The following RASL12 variants were observed in gnomAD, a reference collection of about 807,000 sequenced individuals.
The protein encoded by RASL12 is ras-like protein family member 12.
RASL12 carries 16 observed loss-of-function variants against 22.9 expected under a neutral mutation model. The observed-to-expected ratio is 0.70, with a 90% CI of 0.47 to 1.06. RASL12 has a LOEUF of 1.06. RASL12 is among the 50% of genes least tolerant of loss of function. The pLI is 0.00. For missense variants in RASL12, 306 were observed against 353.1 expected (o/e 0.87, Z 1.07); for synonymous variants, 159 against 152.2 (o/e 1.04, Z -0.33).
At chr15:65,064,175 T>C (rs2086848454) in intron 2 of RASL12, among the ~76,000 whole-genome samples, 1 of 152,246 alleles carries the variant, frequency 6.6e-6, no homozygotes, top group South Asian at 2.1e-4. Context: ...AGCTATTGTG[T>C]ATGGGAATCC....
At chr15:65,057,508 A>G (rs573894616) in intron 4 of RASL12, among the ~76,000 whole-genome samples, 1 of 152,322 alleles carries the variant, frequency 6.6e-6, no homozygotes, top group East Asian at 1.9e-4. Flanking sequence ...ACCTCAAAGC[A>G]TTCCAATTCT....
intron 2 of RASL12, among the ~76,000 whole-genome samples, chr15:65,060,168 C>T (rs1336883550): frequency 2.0e-5 from 3 of 152,214 alleles, no homozygotes; most frequent in Admixed American, 2.0e-4. Context: ...ATTTAACGGT[C>T]CCATCTCCCA....
chr15:65,062,058 G>C (rs2086814565), intron 2 of RASL12, among the ~76,000 whole-genome samples: 1 of 147,420 alleles, frequency 6.8e-6, no homozygotes, highest in Admixed American at 6.7e-5. Flanking sequence ...TCCAGCCTGG[G>C]TGACCAAAAA....
chr15:65,076,207 G>A (rs977697516), intron 1 of RASL12, among the ~76,000 whole-genome samples: 3 of 152,196 alleles, frequency 2.0e-5, no homozygotes, highest in African/African-American at 7.2e-5. Context: ...TCCACACTGT[G>A]GACGCTTTAT....
Position 65,055,147 on chromosome 15 carries a change from G to C in RASL12, c.553C>G (p.Arg185Gly), listed in dbSNP as rs148588039. Residue 185 changes from arginine to glycine, a missense_variant, in exon 5 of 5, where the codon CGG (arginine) becomes GGG (glycine). Transcript: ENST00000220062. ...VFHEAVREAR[R>G]ELEKSPLTRP... Reference sequence around the variant, plus strand: ...GTCAGGGGGCTCTTCTCCAGCTCCCGCCGTGCCTCTCGCACTGCCTCGTGG... The same window carrying C: ...GTCAGGGGGCTCTTCTCCAGCTCCCCCCGTGCCTCTCGCACTGCCTCGTGG... The C allele has an allele frequency of 1.0e-4, 162 of 1,611,926 alleles. 2 individuals are homozygous for C. The African/African-American group carries it at 1.9e-3, about 18-fold the overall frequency.
the RASL12 span, among the ~76,000 whole-genome samples, chr15:65,045,827 A>G: frequency 3.9e-5 from 6 of 152,264 alleles, no homozygotes; most frequent in Non-Finnish European, 7.3e-5. Context: ...GCAAATGACA[A>G]TATGATGCTC....
At chr15:65,049,322 T>C (rs1355492321), downstream of RASL12, 1 of 149,384 alleles carries the variant, frequency 6.7e-6, no homozygotes, top group Non-Finnish European at 1.5e-5. Context: ...TTCTGCTAAC[T>C]TGTCCAAAAA....
chr15:65,068,199 C>T, upstream of RASL12: 1 of 994,098 alleles, frequency 1.0e-6, no homozygotes, highest in Non-Finnish European at 1.2e-6. This position sits in a 1 kb window ranked among gnomAD's most constrained non-coding sequence, Gnocchi z 4.2. Flanking sequence ...CCCCCAAACC[C>T]GGCCGGGAAG....
chr15:65,066,232 CAG>C (rs1423409254), intron 1 of RASL12, among the ~76,000 whole-genome samples: 1 of 150,564 alleles, frequency 6.6e-6, no homozygotes, highest in Non-Finnish European at 1.5e-5. Flanking sequence ...GAAACAAAGA[CAG>C]AAAGATAGAA....
At chr15:65,074,741 C>A (rs1400045485) in intron 1 of RASL12, among the ~76,000 whole-genome samples, 1 of 152,220 alleles carries the variant, frequency 6.6e-6, no homozygotes, top group East Asian at 1.9e-4. Context: ...GACATTCGCA[C>A]GAGGGCACAC....
intron 4 of RASL12, among the ~76,000 whole-genome samples, 171 bp downstream of exon 4, chr15:65,058,256 G>A (rs1310155405): frequency 6.6e-6 from 1 of 152,234 alleles, no homozygotes; most frequent in East Asian, 1.9e-4. Flanking sequence ...GTGACACAGT[G>A]AGACTCTGTC....
chr15:65,053,937 C>T lies in RASL12; in HGVS notation c.*962G>A. On this transcript the variant is annotated 3_prime_UTR_variant, in exon 5 of 5. Transcript: ENST00000220062. The stretch of plus-strand genomic sequence containing the variant: ...TTATTAACCCAAAATGCTTTAGGTT[C>T]TAAAGTGGGCTTTGAACACTCAGAC... 3 of 985,866 alleles carry T rather than the reference C, an allele frequency of 3.0e-6. No homozygotes were observed. Among genetic ancestry groups the T allele is most frequent in the Non-Finnish European group, 3.6e-6 (3 of 829,964 alleles). The allele number at this position is 985,866 out of a possible 1,614,324, so 61.1% of individuals were successfully genotyped here. A position where few individuals can be genotyped will look rare whatever the true frequency, so the allele number is the denominator to read the frequency against.
Position 65,059,470 on chromosome 15 carries a change from T to A in RASL12, c.161-52A>T, listed in dbSNP as rs1013937773. The A allele has an allele frequency of 3.5e-6, 5 of 1,433,206 alleles. No homozygotes were observed. In the Admixed American group the frequency reaches 6.7e-5, roughly 19 times the overall value. The allele number at this position is 1,433,206 out of a possible 1,614,324, so 88.8% of individuals were successfully genotyped here. A position where few individuals can be genotyped will look rare whatever the true frequency, so the allele number is the denominator to read the frequency against. On this transcript the variant is annotated intron_variant, in intron 2 of 4. Transcript: ENST00000220062. ...AGACACAGTGCCTTGGGTGTAAGTTTGAGCTTCCCTCTGTGCTAGACCCCT... is the reference window on the plus strand; with the variant it reads ...AGACACAGTGCCTTGGGTGTAAGTTAGAGCTTCCCTCTGTGCTAGACCCCT...
rs547237242 is a variant in RASL12, at chr15:65,054,489, G to A, written c.*410C>T. 209 of 1,000,358 alleles carry A rather than the reference G, an allele frequency of 2.1e-4. No homozygotes were observed. The highest frequency in any genetic ancestry group is 1.2e-3 in the South Asian group (27 of 21,718). The allele number at this position is 1,000,358 out of a possible 1,614,324, so 62.0% of individuals were successfully genotyped here. A position where few individuals can be genotyped will look rare whatever the true frequency, so the allele number is the denominator to read the frequency against. On this transcript the variant is annotated 3_prime_UTR_variant, in exon 5 of 5. Coordinates refer to ENST00000220062, the MANE Select transcript of RASL12 (RefSeq NM_016563.4). The stretch of plus-strand genomic sequence containing the variant: ...CACAAGGACCCCAGGCTGTCATTCC[G>A]CAGGCTGTTCTCGGGCCTGACATTG...
At chr15:65,060,927 A>C (rs1283922674) in intron 2 of RASL12, among the ~76,000 whole-genome samples, 1 of 151,910 alleles carries the variant, frequency 6.6e-6, no homozygotes, top group Admixed American at 6.5e-5. Context: ...CTCTTATGCA[A>C]AGACAAAAAA....
intron 2 of RASL12, among the ~76,000 whole-genome samples, chr15:65,059,987 T>C (rs1032791177): frequency 1.3e-5 from 2 of 152,246 alleles, no homozygotes; most frequent in South Asian, 4.1e-4. Context: ...TTGGAGAATG[T>C]GGTATTAAAC....
chr15:65,052,082 C>G (rs1307488768), downstream of RASL12, among the ~76,000 whole-genome samples: 5 of 152,148 alleles, frequency 3.3e-5, no homozygotes, highest in Non-Finnish European at 7.3e-5. Flanking sequence ...AGAGGACAGA[C>G]ACATGGGAGT....
rs2086897518 is a variant in RASL12, at chr15:65,067,830, G to C, written c.6C>G (p.Ser2=). 3 of 1,552,370 alleles carry C rather than the reference G, an allele frequency of 1.9e-6. No homozygotes were observed. Among genetic ancestry groups the C allele is most frequent in the African/African-American group, 2.8e-5 (2 of 70,576 alleles). The stretch of plus-strand genomic sequence containing the variant: ...CCGCGCGGGGTTTTCCAAACACCGA[G>C]GACATGGCGACGCCCTGGACGGCCA... M[S]SVFGKPRAGS... is the part of the protein sequence containing the mutation. The change falls in exon 1 of 5, where the codon TCC becomes TCG. Residue 2 remains serine, a synonymous_variant. Coordinates refer to ENST00000220062, the MANE Select transcript of RASL12 (RefSeq NM_016563.4).
rs774393555 is a variant in RASL12, at chr15:65,055,203, C to T, written c.497G>A (p.Cys166Tyr). The change falls in exon 5 of 5, where the codon TGT becomes TAT. Residue 166 changes from cysteine (C) to tyrosine (Y), a missense_variant. Transcript: ENST00000220062. ...ATGCTGCACGTGCTCAAAGTCCAGA[C>T]AGGCAGAGACCTCGAAAAACAGGCA... Reference protein sequence around the residue: ...FGCLFFEVSACLDFEHVQHVF... With the variant: ...FGCLFFEVSAYLDFEHVQHVF... 23 of 1,610,854 alleles carry T rather than the reference C, an allele frequency of 1.4e-5. No homozygotes were observed. Among genetic ancestry groups the T allele is most frequent in the Middle Eastern group, 3.3e-4 (2 of 6,074 alleles).
Sources: gnomAD v4.1 joint callset for allele counts (sites outside exome capture counted in the v4.1 genomes callset) on GRCh38, gnomAD v4.1.1 for gene constraint, Gnocchi (gnomAD v3.1) non-coding constraint, MANE v1.5 for transcripts, NCBI Gene and HGNC (gene_info 2026-07-23, HGNC 2026-07-21) for gene names.